Variants in USF1 observed in about 807,000 individuals in gnomAD.
USF1 encodes the protein upstream stimulatory factor 1.
Under a neutral mutation model 46.3 loss-of-function variants are expected in USF1, and 22 were observed. That is an observed-to-expected ratio of 0.47 (90% CI 0.34 to 0.68). The LOEUF (loss-of-function observed/expected upper bound fraction) is 0.68. Among genes scored for constraint, USF1 ranks in the 30% least tolerant of loss-of-function variants. USF1 has a pLI of 0.01. For synonymous variants in USF1, 150 were observed against 147.0 expected, an observed-to-expected ratio of 1.02 and a Z score of -0.15; for missense variants, 287 against 399.3, an observed-to-expected ratio of 0.72 and a Z score of 2.40.
chr1:161,042,921 G>C (rs368954410), intron 2 of USF1, 39 bp from the exon 3 acceptor site: 7 of 1,613,986 alleles, frequency 4.3e-6, no homozygotes, highest in Non-Finnish European at 5.9e-6. Context: ...AGTATGAGAA[G>C]AAGTCAATGA....
chr1:161,041,315 G>A lies in USF1; in HGVS notation c.560+9C>T. The A allele has an allele frequency of 6.3e-7, 1 of 1,586,600 alleles. No homozygotes were observed. The highest frequency in any genetic ancestry group is 8.6e-7 in the Non-Finnish European group (1 of 1,159,136). On this transcript the variant is annotated intron_variant, in intron 7 of 10. Transcript: ENST00000368021. ...TTACGGAATCTGAGAAGAAACAAGGGTCACTCACGGGGAATAAGGGTGAGT... is the reference window on the plus strand; with the variant it reads ...TTACGGAATCTGAGAAGAAACAAGGATCACTCACGGGGAATAAGGGTGAGT...
Position 161,042,223 on chromosome 1 carries a change from A to C in USF1, c.175-6T>G. ...TGGATCACCCTGTACATCACCTAGA[A>C]GTGTAGAGGAAGGCAGAGGGAGTGA... is the stretch of plus-strand genomic sequence containing the variant. On this transcript the variant is annotated splice_region_variant and splice_polypyrimidine_tract_variant and intron_variant, in intron 4 of 10. Coordinates refer to ENST00000368021, the MANE Select transcript of USF1 (RefSeq NM_007122.5). 1.2e-6 allele frequency: 2 copies of C among 1,608,528 alleles called. No homozygotes were observed. The highest frequency in any genetic ancestry group is 1.7e-6 in the Non-Finnish European group (2 of 1,176,902).
At position 161,042,816 on chromosome 1, in the gene USF1, C is replaced by T. The variant is rs200457245; in HGVS notation, c.58+17G>A. The T allele has an allele frequency of 1.6e-5, 26 of 1,614,174 alleles. No individual in the cohort carries two copies. The highest frequency in any genetic ancestry group is 2.0e-5 in the Non-Finnish European group (24 of 1,180,030). On this transcript the variant is annotated intron_variant, in intron 3 of 10. Coordinates refer to ENST00000368021, the MANE Select transcript of USF1 (RefSeq NM_007122.5). ...CCATGATGGGTTCTTAGTCTTGGTTCTGTTTCTAGCACTCACCTTCCTGAA... is the reference window on the plus strand; with the variant it reads ...CCATGATGGGTTCTTAGTCTTGGTTTTGTTTCTAGCACTCACCTTCCTGAA...
At position 161,040,337 on chromosome 1, in the gene USF1, G is replaced by A. The variant is rs753338255; in HGVS notation, c.715-7C>T. 8 of 1,613,598 alleles carry A rather than the reference G, an allele frequency of 5.0e-6. No homozygotes were observed. In the South Asian group the frequency reaches 8.8e-5, roughly 18 times the overall value. ...ATAGAATCCCACCTTTACTCTGCAA[G>A]ATAAGGTCAACAAAATGAGAACTAG... On this transcript the variant is annotated splice_region_variant and splice_polypyrimidine_tract_variant and intron_variant, in intron 9 of 10. Transcript: ENST00000368021. This position sits in a 1 kb window ranked among gnomAD's most constrained non-coding sequence, Gnocchi z 4.0.
chr1:161,043,458 C>A, intron 1 of USF1, 98 bp from the exon 2 acceptor site: 1 of 885,356 alleles, frequency 1.1e-6, no homozygotes, highest in Non-Finnish European at 1.7e-6. Flanking sequence ...AGGAAAATAA[C>A]CCAGTCATCT....
chr1:161,042,576 G>A lies in USF1; in HGVS notation c.153C>T (p.Phe51=). 6 of 1,614,208 alleles carry A rather than the reference G, an allele frequency of 3.7e-6. No individual in the cohort carries two copies. Among genetic ancestry groups the A allele is most frequent in the Non-Finnish European group, 4.2e-6 (5 of 1,180,042 alleles). ...TTACCTGGCCCCCATTCTCAGTTCG[G>A]AAGACGTACTTGACGTTGGGGTCAG... ...TFPDPNVKYV[F]RTENGGQVMY... is the part of the protein sequence containing the mutation. Residue 51 remains phenylalanine, a synonymous_variant, in exon 4 of 11, where the codon TTC becomes TTT. Coordinates refer to ENST00000368021, the MANE Select transcript of USF1 (RefSeq NM_007122.5).
At position 161,040,413 on chromosome 1, in the gene USF1, T is replaced by A; in HGVS notation, c.715-83A>T. The A allele has an allele frequency of 1.9e-6, 3 of 1,591,164 alleles. No individual in the cohort carries two copies. Among genetic ancestry groups the A allele is most frequent in the Non-Finnish European group, 2.6e-6 (3 of 1,166,418 alleles). On this transcript the variant is annotated intron_variant, in intron 9 of 10. Transcript: ENST00000368021. The surrounding 1 kb of genome is among the most constrained non-coding windows in gnomAD (Gnocchi z 4.0). The stretch of plus-strand genomic sequence containing the variant: ...CAAAAGTAGGTTCACACTTTGGACC[T>A]CATTTTCATCTAAGGAAGGTGGTAT...
Position 161,040,404 on chromosome 1 carries a change from C to T in USF1, c.715-74G>A, listed in dbSNP as rs1050213218. 1.3e-6 allele frequency: 2 copies of T among 1,597,198 alleles called. No individual in the cohort carries two copies. Among genetic ancestry groups the T allele is most frequent in the Non-Finnish European group, 1.7e-6 (2 of 1,169,976 alleles). On this transcript the variant is annotated intron_variant, in intron 9 of 10. Transcript: ENST00000368021. The surrounding 1 kb of genome is among the most constrained non-coding windows in gnomAD (Gnocchi z 4.0). ...CTTGCTTTCCAAAAGTAGGTTCACA[C>T]TTTGGACCTCATTTTCATCTAAGGA... is the stretch of plus-strand genomic sequence containing the variant.
chr1:161,040,420 C>A lies in USF1; in HGVS notation c.715-90G>T. 1 of 1,587,684 alleles carries A rather than the reference C, an allele frequency of 6.3e-7. No individual in the cohort carries two copies. Among genetic ancestry groups the A allele is most frequent in the Non-Finnish European group, 8.6e-7 (1 of 1,164,868 alleles). On this transcript the variant is annotated intron_variant, in intron 9 of 10. Coordinates refer to ENST00000368021, the MANE Select transcript of USF1 (RefSeq NM_007122.5). This position sits in a 1 kb window ranked among gnomAD's most constrained non-coding sequence, Gnocchi z 4.0. ...AGGTTCACACTTTGGACCTCATTTTCATCTAAGGAAGGTGGTATAATATCT... is the reference window on the plus strand; with the variant it reads ...AGGTTCACACTTTGGACCTCATTTTAATCTAAGGAAGGTGGTATAATATCT...
chr1:161,039,667 A>C lies in USF1; in HGVS notation c.*253T>G. The stretch of plus-strand genomic sequence containing the variant: ...TATCCAGCATGGAGACAGCACATGC[A>C]TTGTGCGAGAGGAGCACAAGGGCCC... On this transcript the variant is annotated 3_prime_UTR_variant, in exon 11 of 11. Coordinates refer to ENST00000368021, the MANE Select transcript of USF1 (RefSeq NM_007122.5). 1 of 524,602 alleles carries C rather than the reference A, an allele frequency of 1.9e-6. No homozygotes were observed. The highest frequency in any genetic ancestry group is 3.5e-6 in the Non-Finnish European group (1 of 289,582). The allele number at this position is 524,602 out of a possible 1,614,324, so 32.5% of individuals were successfully genotyped here. A position where few individuals can be genotyped will look rare whatever the true frequency, so the allele number is the denominator to read the frequency against.
Position 161,041,782 on chromosome 1 carries a change from G to A in USF1, c.341C>T (p.Thr114Met), listed in dbSNP as rs752565071. The A allele has an allele frequency of 9.3e-6, 15 of 1,613,910 alleles. No individual in the cohort carries two copies. The highest frequency in any genetic ancestry group is 2.2e-5 in the East Asian group (1 of 44,884). The change falls in exon 6 of 11, where the codon ACG (threonine) becomes ATG (methionine). Residue 114 changes from threonine to methionine, a missense_variant. Transcript: ENST00000368021. ...CGTGCTGGGGAAGTAAGTATAGTGC[G>A]TCTCAGCAGCTGTCCCCTCCGTGTC... The part of the protein sequence containing the change: ...AVDTEGTAAE[T>M]HYTYFPSTAV...
chr1:161,044,248 C>T (rs1650704062), intron 1 of USF1, among the ~76,000 whole-genome samples: 1 of 152,138 alleles, frequency 6.6e-6, no homozygotes, highest in African/African-American at 2.4e-5. Context: ...CAGCCAACAA[C>T]ACATCTCTAA....
Position 161,039,623 on chromosome 1 carries a change from C to T in USF1, c.*297G>A, listed in dbSNP as rs1224127909. ...CTCTAAGCAAGCACAGGACAAGCCCCAGAGTTTAGTGTGTCCAGTATCCAG... is the reference window on the plus strand; with the variant it reads ...CTCTAAGCAAGCACAGGACAAGCCCTAGAGTTTAGTGTGTCCAGTATCCAG... On this transcript the variant is annotated 3_prime_UTR_variant, in exon 11 of 11. Transcript: ENST00000368021. 1 of 381,838 alleles carries T rather than the reference C, an allele frequency of 2.6e-6. No homozygotes were observed. The highest frequency in any genetic ancestry group is 2.1e-5 in the African/African-American group (1 of 48,344). The allele number at this position is 381,838 out of a possible 1,614,324, so 23.7% of individuals were successfully genotyped here.
At chr1:161,044,485 A>G (rs555549939) in intron 1 of USF1, among the ~76,000 whole-genome samples, 125 of 152,228 alleles carry the variant, frequency 8.2e-4, no homozygotes, top group Middle Eastern at 3.4e-3. Flanking sequence ...CAAAGACTAG[A>G]CTTGGCATTT....
rs574338934 is a variant in USF1 at position 161,043,573 on chromosome 1, A to T, written c.-85-213T>A. 1.4e-4 allele frequency among the ~76,000 whole-genome samples: 22 copies of T among 151,740 alleles called. No homozygotes were observed. In the South Asian group the frequency reaches 4.4e-3, roughly 30 times the overall value. Reference sequence around the variant, plus strand: ...TTCCCCATCCCTCCATTATCACTCCAACTCCTGGTGGAGAGTGGATAATTA... The same window carrying T: ...TTCCCCATCCCTCCATTATCACTCCTACTCCTGGTGGAGAGTGGATAATTA... On this transcript the variant is annotated intron_variant, in intron 1 of 10. Transcript: ENST00000368021.
rs752431207 is a variant in USF1 at position 161,040,599 on chromosome 1, T to C, written c.691A>G (p.Met231Val). Residue 231 changes from methionine to valine, a missense_variant, in exon 9 of 11, where the codon ATG becomes GTG. Met to Val is a conservative substitution (Grantham distance 21). Coordinates refer to ENST00000368021, the MANE Select transcript of USF1 (RefSeq NM_007122.5). This position sits in a 1 kb window ranked among gnomAD's most constrained non-coding sequence, Gnocchi z 4.0. ...QLSKIIPDCS[M>V]ESTKSGQSKG... ...ACCTGGCCAGACTTGGTGCTCTCCA[T>C]AGAGCAGTCTGGGATTATCTTGGAG... is the stretch of plus-strand genomic sequence containing the variant. The C allele has an allele frequency of 5.6e-6, 9 of 1,612,668 alleles. No homozygotes were observed. Among genetic ancestry groups the C allele is most frequent in the Non-Finnish European group, 6.8e-6 (8 of 1,179,826 alleles).
chr1:161,039,937 T>G lies in USF1; in HGVS notation c.916A>C (p.Lys306Gln). 1 of 1,614,218 alleles carries G rather than the reference T, an allele frequency of 6.2e-7. No individual in the cohort carries two copies. The highest frequency in any genetic ancestry group is 8.5e-7 in the Non-Finnish European group (1 of 1,180,032). The change falls in exon 11 of 11, where the codon AAG becomes CAG. Residue 306 changes from lysine (K) to glutamine (Q), a missense_variant. By Grantham distance (53) the Lys-to-Gln change is moderately conservative. Coordinates refer to ENST00000368021, the MANE Select transcript of USF1 (RefSeq NM_007122.5). ...LRHHGLEVVI[K>Q]NDSN Reference sequence around the variant, plus strand: ...CCCCATAGTTAGTTGCTGTCATTCTTGATGACGACCTCTAATCCGTGGTGC... The same window carrying G: ...CCCCATAGTTAGTTGCTGTCATTCTGGATGACGACCTCTAATCCGTGGTGC...
intron 2 of USF1, 159 bp downstream of exon 2, chr1:161,043,109 T>C: frequency 7.4e-7 from 1 of 1,346,612 alleles, no homozygotes; most frequent in East Asian, 2.3e-5. Flanking sequence ...TAGATAGCAC[T>C]ACTTCCATTT....
In USF1 at chr1:161,041,946, GGAGAGAGA is replaced by G. The variant is rs144100508; in HGVS notation, c.277-108_277-101del. On this transcript the variant is annotated intron_variant, in intron 5 of 10. Coordinates refer to ENST00000368021, the MANE Select transcript of USF1 (RefSeq NM_007122.5). ...TATCCGTTGGGGTGGTAGGTAGGGT[GGAGAGAGA>G]GAGAGAGAGAGAGAGAAACATCCAG... 1.3e-4 allele frequency: 161 copies of G among 1,222,224 alleles called. No homozygotes were observed. The South Asian group carries it at 1.4e-3, about 11-fold the overall frequency. 75.7% of individuals were successfully genotyped at this position (1,222,224 alleles called of 1,614,324 possible).
Sources: gnomAD v4.1 joint callset for allele counts (sites outside exome capture counted in the v4.1 genomes callset) on GRCh38, gnomAD v4.1.1 for gene constraint, Gnocchi (gnomAD v3.1) non-coding constraint, MANE v1.5 for transcripts, NCBI Gene and HGNC (gene_info 2026-07-23, HGNC 2026-07-21) for gene names.